SIK3: variants seen among roughly 807,000 people sequenced by gnomAD.
The protein encoded by SIK3 is SIK family kinase 3, also known as serine/threonine-protein kinase SIK3.
SIK3 carries 28 observed loss-of-function variants against 144.2 expected under a neutral mutation model. That is an observed-to-expected ratio of 0.19 (90% CI 0.14 to 0.27). The LOEUF (loss-of-function observed/expected upper bound fraction) is 0.27. Ranked by LOEUF, SIK3 falls within the 10% of genes least tolerant of loss-of-function variation. The probability of loss-of-function intolerance (pLI) is 1.00; values close to 1 mark genes in which losing one functional copy is unlikely to be tolerated. For missense variants in SIK3, 1,319 were observed against 1,776.0 expected (o/e 0.74, Z 4.62); for synonymous variants, 686 against 676.3 (o/e 1.01, Z -0.22).
intron 6 of SIK3, among the ~76,000 whole-genome samples, chr11:116,889,261 TAAGTAA>T (rs1331812914): frequency 1.3e-5 from 2 of 152,174 alleles, no homozygotes; most frequent in Admixed American, 1.3e-4. Flanking sequence ...CAAATTAGAT[TAAGTAA>T]AAGAAAATAA....
At chr11:116,870,294 C>T (rs753031855) in intron 14 of SIK3, 37 bp downstream of exon 14, 56 of 1,613,540 alleles carry the variant, frequency 3.5e-5, no homozygotes, top group Non-Finnish European at 4.7e-5. Flanking sequence ...GGAGCCTGCC[C>T]AGGGGCTTCT....
chr11:116,875,952 G>C lies in SIK3; in HGVS notation c.1153C>G (p.Arg385Gly). 1 of 1,613,542 alleles carries C rather than the reference G, an allele frequency of 6.2e-7. No homozygotes were observed. Among genetic ancestry groups the C allele is most frequent in the Non-Finnish European group, 8.5e-7 (1 of 1,179,866 alleles). Residue 385 changes from arginine (R) to glycine (G), a missense_variant, in exon 9 of 25, where the codon CGA becomes GGA. Arg to Gly is a moderately radical substitution (Grantham distance 125). Transcript: ENST00000445177. ...CGCAGGGTTTTATGTCTCTTATGTC[G>C]ATCACACAGCAGGCTGTAGATTGCA... ...YSAIYSLLCD[R>G]HKRHKTLRLG...
At chr11:117,081,708 A>T (rs186704989) in intron 1 of SIK3, among the ~76,000 whole-genome samples, 1 of 152,352 alleles carries the variant, frequency 6.6e-6, no homozygotes, top group Non-Finnish European at 1.5e-5. Context: ...ACATGGGAGA[A>T]AGTACAGAAT....
chr11:116,879,280 C>T (rs1220990652), intron 6 of SIK3, among the ~76,000 whole-genome samples: 2 of 152,270 alleles, frequency 1.3e-5, no homozygotes, highest in East Asian at 1.9e-4. Context: ...ATAACAACAA[C>T]AGTAAGACAT....
chr11:116,971,506 T>C (rs989919930), intron 1 of SIK3, among the ~76,000 whole-genome samples: 20 of 152,216 alleles, frequency 1.3e-4, no homozygotes, highest in Non-Finnish European at 2.2e-4. Flanking sequence ...TAAGAATAGG[T>C]AAAATATACT....
intron 7 of SIK3, 25 bp from the exon 8 acceptor site, chr11:116,876,388 G>T: frequency 3.2e-6 from 5 of 1,561,926 alleles, no homozygotes; most frequent in Non-Finnish European, 4.4e-6. Context: ...GGAGGAAGCT[G>T]TCAACCCCCC....
intron 1 of SIK3, among the ~76,000 whole-genome samples, chr11:116,959,648 A>T (rs879765311): frequency 6.6e-6 from 1 of 152,174 alleles, no homozygotes; most frequent in Non-Finnish European, 1.5e-5. Context: ...CTGATTCACA[A>T]GGCACTCACT....
chr11:116,938,213 G>C (rs1334235976), intron 3 of SIK3, among the ~76,000 whole-genome samples: 2 of 93,580 alleles, frequency 2.1e-5, no homozygotes, highest in Non-Finnish European at 4.3e-5. Flanking sequence ...TAGAGGGGAG[G>C]GGAGGGGAGG....
intron 21 of SIK3, among the ~76,000 whole-genome samples, chr11:116,856,717 C>T (rs962078775): frequency 3.9e-5 from 6 of 152,200 alleles, no homozygotes; most frequent in Non-Finnish European, 5.9e-5. Flanking sequence ...CCCCTAAGAG[C>T]GCATAATGAG....
At chr11:117,010,687 AC>A (rs1215597582) in intron 1 of SIK3, among the ~76,000 whole-genome samples, 2 of 152,066 alleles carry the variant, frequency 1.3e-5, no homozygotes, top group Non-Finnish European at 2.9e-5. Flanking sequence ...AAAGTAAATA[AC>A]CCCACTTCAT....
chr11:116,965,837 A>C (rs541456804), intron 1 of SIK3, among the ~76,000 whole-genome samples: 11 of 145,598 alleles, frequency 7.6e-5, no homozygotes, highest in African/African-American at 2.8e-4. Flanking sequence ...TGGGAGACTA[A>C]GGCAGGAGAA....
At chr11:116,998,432 T>C (rs970223200) in intron 1 of SIK3, among the ~76,000 whole-genome samples, 15 of 146,136 alleles carry the variant, frequency 1.0e-4, no homozygotes, top group Non-Finnish European at 1.9e-4. Context: ...GATCATGCCA[T>C]TGCACTCCAG....
intron 13 of SIK3, among the ~76,000 whole-genome samples, chr11:116,873,197 G>T (rs974152481): frequency 6.6e-6 from 1 of 152,268 alleles, no homozygotes; most frequent in Non-Finnish European, 1.5e-5. Context: ...CAAGCTGGCA[G>T]GAGTGCAGCT....
intron 1 of SIK3, among the ~76,000 whole-genome samples, chr11:117,025,087 C>T (rs1951955060): frequency 6.6e-6 from 1 of 152,146 alleles, no homozygotes; most frequent in African/African-American, 2.4e-5. Flanking sequence ...GCAGTAGTTT[C>T]TCAACTGTCA....
At chr11:117,082,416 A>G (rs1954828703) in intron 1 of SIK3, among the ~76,000 whole-genome samples, 1 of 152,240 alleles carries the variant, frequency 6.6e-6, no homozygotes, top group African/African-American at 2.4e-5. Context: ...AATGTGGCGT[A>G]TCCATACAAC....
chr11:116,913,905 T>C (rs201498030), intron 4 of SIK3, among the ~76,000 whole-genome samples: 8 of 151,352 alleles, frequency 5.3e-5, no homozygotes, highest in African/African-American at 1.9e-4. Flanking sequence ...AACAAACAAA[T>C]AAACAAAAAA....
At chr11:117,088,635 T>C (rs1955117957) in intron 1 of SIK3, among the ~76,000 whole-genome samples, 1 of 152,202 alleles carries the variant, frequency 6.6e-6, no homozygotes, top group Non-Finnish European at 1.5e-5. Context: ...TATCACACTG[T>C]GCCATCCTAA....
At chr11:116,974,685 G>A (rs1366383439) in intron 1 of SIK3, among the ~76,000 whole-genome samples, 3 of 152,180 alleles carry the variant, frequency 2.0e-5, no homozygotes, top group Admixed American at 6.5e-5. Context: ...ATAAGCCACC[G>A]TACCTGGCCT....
intron 1 of SIK3, among the ~76,000 whole-genome samples, chr11:117,003,824 G>A (rs1022066698): frequency 3.3e-5 from 5 of 152,056 alleles, no homozygotes; most frequent in African/African-American, 9.7e-5. Flanking sequence ...ATTTAAAGTC[G>A]GAGCAACCTA....
Sources: gnomAD v4.1 joint callset for allele counts (sites outside exome capture counted in the v4.1 genomes callset) on GRCh38, gnomAD v4.1.1 for gene constraint, MANE v1.5 for transcripts, NCBI Gene and HGNC (gene_info 2026-07-23, HGNC 2026-07-21) for gene names.